Variants in CEP128 observed in about 807,000 individuals in gnomAD.
The protein encoded by CEP128 is centrosomal protein 128kDa.
Under a neutral mutation model 156.7 loss-of-function variants are expected in CEP128, and 132 were observed. The observed-to-expected ratio is 0.84, with a 90% CI of 0.73 to 0.97. The LOEUF (loss-of-function observed/expected upper bound fraction) is 0.97, where lower values mean the gene tolerates loss of function less well. Among genes scored for constraint, CEP128 ranks in the 50% least tolerant of loss-of-function variants. The probability of loss-of-function intolerance (pLI) is 0.00; values close to 1 mark genes in which losing one functional copy is unlikely to be tolerated. For synonymous variants in CEP128, 469 were observed against 448.9 expected (o/e 1.04, Z -0.57); for missense variants, 1,252 against 1,281.9 (o/e 0.98, Z 0.36).
intron 2 of CEP128, among the ~76,000 whole-genome samples, chr14:80,949,893 T>C (rs1407581750): frequency 2.6e-5 from 4 of 152,032 alleles, no homozygotes; most frequent in Non-Finnish European, 4.4e-5. Context: ...GACAAAAATA[T>C]ATATATATTC....
At chr14:80,738,377 C>T (rs1322227465) in intron 19 of CEP128, among the ~76,000 whole-genome samples, 1 of 152,048 alleles carries the variant, frequency 6.6e-6, no homozygotes, top group Non-Finnish European at 1.5e-5. Context: ...GCAGAAAAAC[C>T]AGCTGAAAAG....
chr14:80,728,915 C>T (rs542301599), intron 19 of CEP128, among the ~76,000 whole-genome samples: 1 of 152,272 alleles, frequency 6.6e-6, no homozygotes, highest in African/African-American at 2.4e-5. Flanking sequence ...CACTTCCATG[C>T]TGCCAACGCG....
chr14:80,660,084 A>G (rs1433134108), intron 19 of CEP128, among the ~76,000 whole-genome samples: 4 of 152,180 alleles, frequency 2.6e-5, no homozygotes, highest in Non-Finnish European at 5.9e-5. Context: ...TCTTCTGTGT[A>G]CGCAAAGGTA....
intron 19 of CEP128, among the ~76,000 whole-genome samples, chr14:80,599,042 G>A (rs1245766363): frequency 2.6e-5 from 4 of 152,088 alleles, no homozygotes; most frequent in Admixed American, 2.6e-4. Flanking sequence ...TAGGTAAAAT[G>A]ATCTTTATGT....
intron 8 of CEP128, among the ~76,000 whole-genome samples, chr14:80,885,130 C>T (rs2371420): frequency 2.6e-5 from 4 of 151,958 alleles, no homozygotes; most frequent in East Asian, 1.9e-4. Context: ...CCCCAGTCAG[C>T]GGCTTATAGA....
At chr14:80,893,977 TTCC>T (rs1555360642) in intron 8 of CEP128, among the ~76,000 whole-genome samples, 3 of 152,020 alleles carry the variant, frequency 2.0e-5, no homozygotes, top group Non-Finnish European at 4.4e-5. Context: ...ATGAAATGTA[TTCC>T]TCCTAATTCA....
intron 8 of CEP128, among the ~76,000 whole-genome samples, chr14:80,873,821 GAATATTTTAAATAA>G (rs1368992469): frequency 2.6e-5 from 4 of 151,946 alleles, no homozygotes; most frequent in Non-Finnish European, 5.9e-5. Flanking sequence ...TTAACATCAC[GAATATTTTAAATAA>G]AATATTTTAA....
chr14:80,884,828 A>C (rs1047009802), intron 8 of CEP128, among the ~76,000 whole-genome samples: 47 of 152,090 alleles, frequency 3.1e-4, no homozygotes, highest in African/African-American at 1.1e-3. Context: ...CTCCCTTAAA[A>C]GGGGGCTGAA....
intron 8 of CEP128, among the ~76,000 whole-genome samples, chr14:80,893,217 G>T: frequency 6.6e-6 from 1 of 151,874 alleles, no homozygotes; most frequent in Non-Finnish European, 1.5e-5. Flanking sequence ...AGTGAAATAA[G>T]CCAGACACAG....
chr14:80,673,078 C>T (rs1014324186), intron 19 of CEP128, among the ~76,000 whole-genome samples: 8 of 152,116 alleles, frequency 5.3e-5, no homozygotes, highest in East Asian at 1.9e-4. Flanking sequence ...TATAACAGTA[C>T]TTTCTCATAT....
intron 13 of CEP128, among the ~76,000 whole-genome samples, chr14:80,821,836 A>T (rs527456025): frequency 6.6e-6 from 1 of 152,188 alleles, no homozygotes; most frequent in East Asian, 1.9e-4. Flanking sequence ...ATAAAGACAT[A>T]CCTGAGACTG....
chr14:80,798,533 T>G (rs1883632425), intron 13 of CEP128, among the ~76,000 whole-genome samples: 1 of 152,202 alleles, frequency 6.6e-6, no homozygotes. Context: ...TTGGGCACCA[T>G]CTACCTGTAT....
intron 19 of CEP128, among the ~76,000 whole-genome samples, chr14:80,631,887 A>G (rs748339709): frequency 1.3e-5 from 2 of 152,116 alleles, no homozygotes; most frequent in Non-Finnish European, 2.9e-5. Context: ...TGTATACTGC[A>G]TGAAGACACC....
chr14:80,808,822 G>A lies in CEP128; in HGVS notation c.1210-15712C>T, dbSNP rs144282506. 2.2e-4 allele frequency among the ~76,000 whole-genome samples: 33 copies of A among 151,944 alleles called. No homozygotes were observed. The East Asian group carries it at 6.0e-3, about 28-fold the overall frequency. On this transcript the variant is annotated intron_variant, in intron 13 of 24. Transcript: ENST00000555265. ...ACATGCACCCAGAATAAAAGCCTAA[G>A]GGCCCTTCCCAACCAACGCCACTAA...
At chr14:80,725,231 G>A (rs1897977469) in intron 19 of CEP128, among the ~76,000 whole-genome samples, 1 of 146,528 alleles carries the variant, frequency 6.8e-6, no homozygotes, top group East Asian at 2.0e-4. Flanking sequence ...CACCCAGGCT[G>A]TAGTGCAGTG....
intron 20 of CEP128, among the ~76,000 whole-genome samples, chr14:80,563,522 A>ATTTTTTTTT (rs1595010139): frequency 1.1e-4 from 12 of 107,154 alleles, no homozygotes; most frequent in East Asian, 3.6e-4. Context: ...GGGCCTCCAA[A>ATTTTTTTTT]TCTTTTTTTT....
chr14:80,536,790 G>A (rs1420136297), intron 21 of CEP128, among the ~76,000 whole-genome samples: 1 of 152,212 alleles, frequency 6.6e-6, no homozygotes, highest in African/African-American at 2.4e-5. Flanking sequence ...ATGAGCCCCA[G>A]TGTTCAAAGT....
intron 19 of CEP128, among the ~76,000 whole-genome samples, chr14:80,647,664 G>A (rs1894722000): frequency 6.6e-6 from 1 of 152,102 alleles, no homozygotes; most frequent in African/African-American, 2.4e-5. Context: ...CACGACTGGG[G>A]AGGGGAGGTC....
rs773506062 is a variant in CEP128, at chr14:80,743,188, C to G, written c.2693G>C (p.Cys898Ser). ...EKNLRHQLMLCRQQLRNLTEN... is the reference protein window; with the variant it reads ...EKNLRHQLMLSRQQLRNLTEN... The stretch of plus-strand genomic sequence containing the variant: ...AGTCAAATTCCTGAGTTGTTGTCTG[C>G]AGAGCATCAGCTGGTGTCGCAGATT... The change falls in exon 19 of 25, where the codon TGC becomes TCC. Residue 898 changes from cysteine to serine, a missense_variant. Transcript: ENST00000555265. The G allele has an allele frequency of 6.2e-7, 1 of 1,613,686 alleles. No homozygotes were observed. Among genetic ancestry groups the G allele is most frequent in the Admixed American group, 1.7e-5 (1 of 59,956 alleles).
Sources: allele counts gnomAD v4.1 joint callset (sites outside exome capture counted in the v4.1 genomes callset), GRCh38; gene constraint gnomAD v4.1.1; transcripts MANE v1.5; gene names NCBI Gene and HGNC (gene_info 2026-07-23, HGNC 2026-07-21).